CACNA1E: variants seen among roughly 807,000 people sequenced by gnomAD.
CACNA1E encodes voltage-dependent R-type calcium channel subunit alpha-1E.
Under a neutral mutation model 259.2 loss-of-function variants are expected in CACNA1E, and 40 were observed. The ratio of observed to expected loss-of-function variants is 0.15; its 90% CI spans 0.12 to 0.20. The LOEUF (loss-of-function observed/expected upper bound fraction) is 0.20, where lower values mean the gene tolerates loss of function less well. Ranked by LOEUF, CACNA1E falls within the 10% of genes least tolerant of loss-of-function variation. CACNA1E has a pLI of 1.00. For synonymous variants in CACNA1E, 1,104 were observed against 1,138.5 expected, an observed-to-expected ratio of 0.97 and a Z score of 0.61; for missense variants, 1,874 against 3,040.1, an observed-to-expected ratio of 0.62 and a Z score of 9.02.
chr1:181,321,714 C>G (rs1455868742), intron 1 of CACNA1E, among the ~76,000 whole-genome samples: 1 of 152,096 alleles, frequency 6.6e-6, no homozygotes, highest in African/African-American at 2.4e-5. Flanking sequence ...TTTACCAGAC[C>G]AAGAACAGCA....
In CACNA1E at chr1:181,806,740, G is replaced by A. The variant is rs1250065160; in HGVS notation, c.*7906G>A. ...GAAAGATGAAAAACTTTAATGTTTTGGGGGGGATAAAAGAAAAGAATAAAT... is the reference window on the plus strand; with the variant it reads ...GAAAGATGAAAAACTTTAATGTTTTAGGGGGGATAAAAGAAAAGAATAAAT... On this transcript the variant is annotated 3_prime_UTR_variant, in exon 48 of 48. Coordinates refer to ENST00000367573, the MANE Select transcript of CACNA1E (RefSeq NM_001205293.3). 1 of 152,158 alleles carries A rather than the reference G, an allele frequency of 6.6e-6. No individual in the cohort carries two copies. Among genetic ancestry groups the A allele is most frequent in the African/African-American group, 2.4e-5 (1 of 41,424 alleles). 9.4% of individuals were successfully genotyped at this position (152,158 alleles called of 1,614,324 possible).
chr1:181,679,464 G>A (rs1418368411), intron 7 of CACNA1E, among the ~76,000 whole-genome samples: 2 of 152,182 alleles, frequency 1.3e-5, no homozygotes, highest in Non-Finnish European at 2.9e-5. Context: ...AGGCAAACTC[G>A]GGCCAGAGCT....
chr1:181,438,210 G>A (rs765519770), intron 2 of CACNA1E, among the ~76,000 whole-genome samples: 1 of 152,208 alleles, frequency 6.6e-6, no homozygotes, highest in Non-Finnish European at 1.5e-5. Flanking sequence ...AACATGATAT[G>A]CACGGCCACT....
At chr1:181,580,515 G>C (rs1651418746) in intron 5 of CACNA1E, 80 bp from the exon 6 acceptor site, 1 of 1,374,562 alleles carries the variant, frequency 7.3e-7, no homozygotes, top group Non-Finnish European at 1.0e-6. Context: ...GGAATTGCTT[G>C]CCTATGGCTT....
chr1:181,452,703 C>T (rs1397951821), intron 2 of CACNA1E, among the ~76,000 whole-genome samples: 2 of 152,226 alleles, frequency 1.3e-5, no homozygotes, highest in East Asian at 3.8e-4. Flanking sequence ...GTCCCTAAAC[C>T]CTCCTCCGAA....
At chr1:181,343,772 A>G (rs954625995) in intron 1 of CACNA1E, among the ~76,000 whole-genome samples, 2 of 152,168 alleles carry the variant, frequency 1.3e-5, no homozygotes, top group Non-Finnish European at 1.5e-5. Flanking sequence ...CATGGTTCCC[A>G]TGACCTCTCT....
intron 3 of CACNA1E, among the ~76,000 whole-genome samples, chr1:181,560,155 T>A (rs1327233096): frequency 2.0e-5 from 3 of 152,076 alleles, no homozygotes; most frequent in Non-Finnish European, 4.4e-5. Flanking sequence ...CACAAAGAGT[T>A]GCTTTTGTGA....
intron 27 of CACNA1E, among the ~76,000 whole-genome samples, chr1:181,752,486 G>A (rs781732598): frequency 6.6e-6 from 1 of 152,220 alleles, no homozygotes; most frequent in Non-Finnish European, 1.5e-5. Flanking sequence ...TCTCCGGTGT[G>A]ATATGTCATC....
intron 3 of CACNA1E, among the ~76,000 whole-genome samples, chr1:181,533,427 T>C (rs1393664707): frequency 6.6e-6 from 1 of 150,696 alleles, no homozygotes; most frequent in African/African-American, 2.4e-5. Context: ...GTCACTTCTG[T>C]TTGTATACCA....
At position 181,403,839 on chromosome 1, in the gene CACNA1E, T is replaced by A. The variant is rs552330490; in HGVS notation, c.-14-9294T>A. 3.9e-5 allele frequency among the ~76,000 whole-genome samples: 6 copies of A among 152,222 alleles called. No individual in the cohort carries two copies. The South Asian group carries it at 1.2e-3, about 32-fold the overall frequency. ...CTTCCGGGTTGATTGAATCTGGGGC[T>A]CCCTCTCCATTTCCTGTGATTTTCT... is the stretch of plus-strand genomic sequence containing the variant. On this transcript the variant is annotated intron_variant, in intron 1 of 11. Transcript: ENST00000524607.
At chr1:181,425,119 C>G (rs913742035) in intron 2 of CACNA1E, among the ~76,000 whole-genome samples, 5 of 152,150 alleles carry the variant, frequency 3.3e-5, no homozygotes, top group Non-Finnish European at 7.3e-5. Flanking sequence ...TTATGGTGCC[C>G]CCAAGTGGTT....
chr1:181,637,764 C>A (rs968631908), intron 6 of CACNA1E, among the ~76,000 whole-genome samples: 4 of 152,072 alleles, frequency 2.6e-5, no homozygotes, highest in African/African-American at 9.7e-5. Context: ...CAGTGTAGGG[C>A]ATAAGGGAGT....
chr1:181,645,517 C>T (rs770559757), intron 6 of CACNA1E, among the ~76,000 whole-genome samples: 2 of 152,160 alleles, frequency 1.3e-5, no homozygotes, highest in Non-Finnish European at 1.5e-5. Context: ...CATAATTAAT[C>T]TTTTCACTGC....
intron 27 of CACNA1E, among the ~76,000 whole-genome samples, chr1:181,752,470 G>A (rs1239731399): frequency 6.6e-6 from 1 of 152,338 alleles, no homozygotes; most frequent in Non-Finnish European, 1.5e-5. Flanking sequence ...CCCAGATGGT[G>A]TCTTCTCTCC....
At position 181,613,140 on chromosome 1, in the gene CACNA1E, T is replaced by G. The variant is rs542240317; in HGVS notation, c.951+32364T>G. Among the ~76,000 whole-genome samples, 9 of 152,356 alleles carry G rather than the reference T, an allele frequency of 5.9e-5. No homozygotes were observed. In the East Asian group the frequency reaches 1.7e-3, roughly 29 times the overall value. On this transcript the variant is annotated intron_variant, in intron 6 of 47. Coordinates refer to ENST00000367573, the MANE Select transcript of CACNA1E (RefSeq NM_001205293.3). ...ACACAGTTTCTTAATAACTGTAGCT[T>G]TATAATAAAAGTCATGTGGTGATGT...
rs75292696 is a variant in CACNA1E at position 181,775,003 on chromosome 1, C to G, written c.5140-1098C>G. ...ATGATATCACCAGGTCCAGGTTTCT[C>G]TCTATTTACAGATCTCTGCCTCCAC... On this transcript the variant is annotated intron_variant, in intron 37 of 47. Coordinates refer to ENST00000367573, the MANE Select transcript of CACNA1E (RefSeq NM_001205293.3). 2.2e-3 allele frequency among the ~76,000 whole-genome samples: 339 copies of G among 152,336 alleles called. 1 individual carries two copies. Among genetic ancestry groups the G allele is most frequent in the Non-Finnish European group, 3.7e-3 (251 of 68,022 alleles).
intron 36 of CACNA1E, chr1:181,771,639 A>T (rs1375545425): frequency 8.1e-6 from 4 of 493,936 alleles, no homozygotes; most frequent in Non-Finnish European, 1.4e-5. Context: ...GGGTCTGCTA[A>T]ATACTTGGGT....
chr1:181,738,475 C>A, intron 24 of CACNA1E, 49 bp downstream of exon 24: 1 of 1,417,116 alleles, frequency 7.1e-7, no homozygotes, highest in Non-Finnish European at 1.0e-6. Context: ...GATGGGTCAC[C>A]TGTCTGCTCC....
rs1000190993 is a variant in CACNA1E, at chr1:181,803,808, A to G, written c.*4974A>G. 3 of 152,158 alleles carry G rather than the reference A, an allele frequency of 2.0e-5. No individual in the cohort carries two copies. The highest frequency in any genetic ancestry group is 2.9e-5 in the Non-Finnish European group (2 of 68,044). The allele number at this position is 152,158 out of a possible 1,614,324, so 9.4% of individuals were successfully genotyped here. Reference sequence around the variant, plus strand: ...CAAGCCAAAGAGAAAAAATTCATAGATTGTCCCAGCCTACCCAAAGGGCCT... The same window carrying G: ...CAAGCCAAAGAGAAAAAATTCATAGGTTGTCCCAGCCTACCCAAAGGGCCT... On this transcript the variant is annotated 3_prime_UTR_variant, in exon 48 of 48. Coordinates refer to ENST00000367573, the MANE Select transcript of CACNA1E (RefSeq NM_001205293.3).
Sources: allele counts gnomAD v4.1 joint callset (sites outside exome capture counted in the v4.1 genomes callset), GRCh38; gene constraint gnomAD v4.1.1; transcripts MANE v1.5; gene names NCBI Gene and HGNC (gene_info 2026-07-23, HGNC 2026-07-21).